Variants in CREB5 observed in about 807,000 individuals in gnomAD.
The protein encoded by CREB5 is cyclic AMP-responsive element-binding protein 5.
A neutral mutation model predicts 57.1 loss-of-function variants in CREB5; 19 were observed. The ratio of observed to expected loss-of-function variants is 0.33; its 90% CI spans 0.23 to 0.49. CREB5 has a LOEUF of 0.49. Among genes scored for constraint, CREB5 ranks in the 20% least tolerant of loss-of-function variants. The pLI, the probability that CREB5 is intolerant of heterozygous loss-of-function variation, is 0.99. For synonymous variants in CREB5, 238 were observed against 238.3 expected, an observed-to-expected ratio of 1.00 and a Z score of 0.01; for missense variants, 579 against 671.6, an observed-to-expected ratio of 0.86 and a Z score of 1.52.
At chr7:28,659,512 A>G (rs941106484) in intron 5 of CREB5, among the ~76,000 whole-genome samples, 3 of 152,230 alleles carry the variant, frequency 2.0e-5, no homozygotes, top group African/African-American at 7.2e-5. Context: ...GCCCTAAACC[A>G]ACATTATTGT....
chr7:28,748,203 C>T (rs1235700612), intron 7 of CREB5, among the ~76,000 whole-genome samples: 1 of 152,186 alleles, frequency 6.6e-6, no homozygotes, highest in African/African-American at 2.4e-5. Context: ...GTTTTCTTGA[C>T]AAGCAAAATG....
chr7:28,500,438 C>T (rs891871420), intron 3 of CREB5, among the ~76,000 whole-genome samples: 3 of 152,144 alleles, frequency 2.0e-5, no homozygotes, highest in African/African-American at 4.8e-5. Context: ...TTCTTTATCC[C>T]GTCTTCCTTT....
intron 1 of CREB5, among the ~76,000 whole-genome samples, chr7:28,446,409 A>G (rs1789470032): frequency 6.6e-6 from 1 of 152,170 alleles, no homozygotes; most frequent in South Asian, 2.1e-4. Flanking sequence ...GAGAGCAGAG[A>G]GCACAAAAGA....
At chr7:28,800,869 T>G (rs185527048) in intron 7 of CREB5, among the ~76,000 whole-genome samples, 1 of 152,336 alleles carries the variant, frequency 6.6e-6, no homozygotes, top group Non-Finnish European at 1.5e-5. Flanking sequence ...AAAACACAGT[T>G]CATTTCTCTC....
chr7:28,708,241 A>G (rs1405768057), intron 5 of CREB5, among the ~76,000 whole-genome samples: 2 of 152,226 alleles, frequency 1.3e-5, no homozygotes, highest in African/African-American at 4.8e-5. Flanking sequence ...ATCATTAAGA[A>G]TAGAACTTGA....
intron 4 of CREB5, among the ~76,000 whole-genome samples, chr7:28,521,630 T>C (rs1793211455): frequency 6.6e-6 from 1 of 152,240 alleles, no homozygotes; most frequent in South Asian, 2.1e-4. Flanking sequence ...CTGTATTTAA[T>C]AGATTTTAAA....
upstream of CREB5, among the ~76,000 whole-genome samples, chr7:28,411,855 A>C (rs1344471835): frequency 6.6e-6 from 1 of 152,192 alleles, no homozygotes; most frequent in Non-Finnish European, 1.5e-5. Context: ...GGCAGGATTT[A>C]GTATTTATTC....
intron 7 of CREB5, among the ~76,000 whole-genome samples, chr7:28,758,659 C>T (rs1020764419): frequency 6.6e-5 from 10 of 152,124 alleles, no homozygotes; most frequent in African/African-American, 2.4e-4. Flanking sequence ...TGTTTATATG[C>T]AATTTGAAAA....
intron 1 of CREB5, among the ~76,000 whole-genome samples, chr7:28,387,205 G>A (rs978401937): frequency 5.3e-5 from 8 of 152,138 alleles, no homozygotes; most frequent in African/African-American, 1.2e-4. Flanking sequence ...CAGTGTAAAA[G>A]CATTCCTTTT....
rs1002833696 is a variant in CREB5, at chr7:28,600,502, A to C, written c.464+29965A>C. ...ATGCTAATATTTGTTTAATTTAATT[A>C]TGTGAAAACTGAGGATGGTAGGGAG... On this transcript the variant is annotated intron_variant, in intron 5 of 10. Transcript: ENST00000357727. Among the ~76,000 whole-genome samples the C allele has an allele frequency of 3.3e-5, 5 of 152,282 alleles. No homozygotes were observed. In the South Asian group the frequency reaches 1.0e-3, roughly 32 times the overall value.
At chr7:28,561,740 A>T (rs1393260233) in intron 4 of CREB5, among the ~76,000 whole-genome samples, 1 of 152,168 alleles carries the variant, frequency 6.6e-6, no homozygotes, top group Non-Finnish European at 1.5e-5. Context: ...AACAGTGAAC[A>T]GTTATGTCAT....
chr7:28,784,853 G>A (rs187927614), intron 7 of CREB5, among the ~76,000 whole-genome samples: 1 of 152,218 alleles, frequency 6.6e-6, no homozygotes, highest in African/African-American at 2.4e-5. Context: ...CCAGAGTTGT[G>A]GGGAATCGAA....
At chr7:28,350,082 C>G (rs1475918518) in intron 1 of CREB5, among the ~76,000 whole-genome samples, 1 of 152,126 alleles carries the variant, frequency 6.6e-6, no homozygotes, top group African/African-American at 2.4e-5. Flanking sequence ...AGGCATTCAG[C>G]CATCATTGGT....
chr7:28,684,403 A>T (rs1255209918), intron 5 of CREB5, among the ~76,000 whole-genome samples: 1 of 152,202 alleles, frequency 6.6e-6, no homozygotes, highest in Non-Finnish European at 1.5e-5. Context: ...TGTCAAGCCA[A>T]AGGGCAGCTT....
intron 1 of CREB5, among the ~76,000 whole-genome samples, chr7:28,376,698 C>T (rs1343508822): frequency 6.6e-6 from 1 of 152,158 alleles, no homozygotes; most frequent in Non-Finnish European, 1.5e-5. Context: ...GGGTTATTTC[C>T]AGACTCACCT....
At chr7:28,350,350 A>C (rs1221224080) in intron 1 of CREB5, among the ~76,000 whole-genome samples, 1 of 152,134 alleles carries the variant, frequency 6.6e-6, no homozygotes, top group Non-Finnish European at 1.5e-5. Flanking sequence ...TGCTCAGCAC[A>C]CATTGCTTCT....
intron 1 of CREB5, among the ~76,000 whole-genome samples, chr7:28,431,716 C>T (rs1307328665): frequency 3.9e-5 from 6 of 152,182 alleles, no homozygotes; most frequent in African/African-American, 1.4e-4. Context: ...AAACAAAGCT[C>T]TTCCAGTCAC....
chr7:28,568,294 A>T (rs531522702), intron 4 of CREB5, among the ~76,000 whole-genome samples: 1 of 152,362 alleles, frequency 6.6e-6, no homozygotes, highest in East Asian at 1.9e-4. Context: ...CAATAATTCT[A>T]AAAGGAGAGT....
chr7:28,413,803 T>G (rs1756631591), intron 1 of CREB5, among the ~76,000 whole-genome samples: 1 of 152,192 alleles, frequency 6.6e-6, no homozygotes, highest in African/African-American at 2.4e-5. Context: ...TTTTCCTGCA[T>G]AGATTTTCAA....
Sources: gnomAD v4.1 joint callset for allele counts (sites outside exome capture counted in the v4.1 genomes callset) on GRCh38, gnomAD v4.1.1 for gene constraint, MANE v1.5 for transcripts, NCBI Gene and HGNC (gene_info 2026-07-23, HGNC 2026-07-21) for gene names.